FNDC1: variants seen among roughly 807,000 people sequenced by gnomAD.
FNDC1 encodes fibronectin type III domain containing 1, also known as fibronectin type III domain-containing protein 1.
A neutral mutation model predicts 168.0 loss-of-function variants in FNDC1; 96 were observed. That is an observed-to-expected ratio of 0.57 (90% CI 0.48 to 0.68). The LOEUF is 0.68. Ranked by LOEUF, FNDC1 falls within the 30% of genes least tolerant of loss-of-function variation. The probability of loss-of-function intolerance (pLI) is 0.00; values close to 1 mark genes in which losing one functional copy is unlikely to be tolerated. For synonymous variants in FNDC1, 1,099 were observed against 1,025.9 expected (o/e 1.07, Z -1.36); for missense variants, 2,587 against 2,482.1 (o/e 1.04, Z -0.90).
At chr6:159,178,758 T>G (rs967998361) in intron 1 of FNDC1, among the ~76,000 whole-genome samples, 4 of 151,884 alleles carry the variant, frequency 2.6e-5, no homozygotes, top group African/African-American at 4.8e-5. Context: ...TTTTTTTTTT[T>G]TGTAAATGGA....
chr6:159,236,397 T>G (rs1783261103), intron 12 of FNDC1, 82 bp downstream of exon 12: 1 of 894,036 alleles, frequency 1.1e-6, no homozygotes, highest in South Asian at 1.5e-5. Flanking sequence ...TAATGATAAA[T>G]GAAGTGGTCT....
At chr6:159,238,743 C>G in intron 13 of FNDC1, 78 bp downstream of exon 13, 1 of 969,784 alleles carries the variant, frequency 1.0e-6, no homozygotes, top group Non-Finnish European at 1.5e-6. Flanking sequence ...TCCTTCTCCC[C>G]CTCATTTATA....
intron 17 of FNDC1, among the ~76,000 whole-genome samples, chr6:159,252,622 C>T (rs376330999): frequency 3.9e-5 from 6 of 152,090 alleles, no homozygotes; most frequent in African/African-American, 7.2e-5. Flanking sequence ...AGGTGCTACA[C>T]GGACCGCCGT....
rs780011189 is a variant in FNDC1, at chr6:159,231,934, A to G, written c.1422A>G (p.Lys474=). The change falls in exon 11 of 23, where the codon AAA becomes AAG. Residue 474 remains lysine (K), a synonymous_variant. Coordinates refer to ENST00000297267, the MANE Select transcript of FNDC1 (RefSeq NM_032532.3). ...QNTEDNGKPE[K]PEPSSPSPRA... ...CGGAGGACAATGGGAAACCCGAAAA[A>G]CCTGAGCCTTCCTCACCTTCTCCCA... 2.5e-6 allele frequency: 4 copies of G among 1,613,442 alleles called. No individual in the cohort carries two copies. In the Admixed American group the frequency reaches 6.7e-5, roughly 27 times the overall value.
intron 10 of FNDC1, among the ~76,000 whole-genome samples, chr6:159,230,846 C>T (rs753557955): frequency 3.3e-5 from 5 of 152,208 alleles, no homozygotes; most frequent in Non-Finnish European, 7.3e-5. Context: ...CCGGCACTCT[C>T]ACTGCAATAT....
intron 19 of FNDC1, among the ~76,000 whole-genome samples, chr6:159,263,427 A>C (rs1037518626): frequency 1.3e-5 from 2 of 152,214 alleles, no homozygotes; most frequent in Non-Finnish European, 1.5e-5. Context: ...AAAATAAAAA[A>C]AGAATGGTCC....
In FNDC1 at chr6:159,249,404, A is replaced by T. The variant is rs6928649; in HGVS notation, c.4834+222A>T. ...GAGGGGAGGATTTGGTGTCCAACAG[A>T]GAGAGCTGAGAGAGACTGCCTTGCA... On this transcript the variant is annotated intron_variant, in intron 16 of 22. Transcript: ENST00000297267. Among the ~76,000 whole-genome samples, 462 of 152,330 alleles carry T rather than the reference A, an allele frequency of 3.0e-3. 2 individuals are homozygous for T. The highest frequency in any genetic ancestry group is 0.011 in the African/African-American group (452 of 41,592).
chr6:159,239,895 A>C lies in FNDC1; in HGVS notation c.4559A>C (p.His1520Pro). The change falls in exon 14 of 23, where the codon CAC becomes CCC. Residue 1520 changes from histidine to proline, a missense_variant. His to Pro is a moderately conservative substitution (Grantham distance 77). Transcript: ENST00000297267. ...TGTCCCCCTGGGACCTTGGAACGGC[A>C]CGACGATGATGGCAACCTGATAATG... ...PTCPPGTLER[H>P]DDDGNLIMSS... The C allele has an allele frequency of 6.5e-7, 1 of 1,533,126 alleles. No homozygotes were observed. Among genetic ancestry groups the C allele is most frequent in the Non-Finnish European group, 8.8e-7 (1 of 1,136,860 alleles). The allele number at this position is 1,533,126 out of a possible 1,614,324, so 95.0% of individuals were successfully genotyped here.
chr6:159,218,029 A>G (rs1782741500), intron 5 of FNDC1, among the ~76,000 whole-genome samples: 1 of 152,086 alleles, frequency 6.6e-6, no homozygotes, highest in Non-Finnish European at 1.5e-5. Context: ...CCGGCATATC[A>G]GCAGGGAAAT....
chr6:159,201,421 G>A (rs968490879), intron 4 of FNDC1, among the ~76,000 whole-genome samples: 1 of 152,192 alleles, frequency 6.6e-6, no homozygotes, highest in East Asian at 1.9e-4. Context: ...CAAAACATCA[G>A]AAAAGAAAAC....
chr6:159,189,947 G>A (rs562217538), intron 1 of FNDC1, among the ~76,000 whole-genome samples: 1 of 152,288 alleles, frequency 6.6e-6, no homozygotes, highest in South Asian at 2.1e-4. Context: ...ATTTGGCATT[G>A]GAATAGGTCA....
chr6:159,269,526 C>T (rs1351030289), intron 22 of FNDC1, among the ~76,000 whole-genome samples: 185 of 147,534 alleles, frequency 1.3e-3, no homozygotes, highest in African/African-American at 4.4e-3. Flanking sequence ...ATCCATCCAT[C>T]CATCCATCCA....
intron 17 of FNDC1, among the ~76,000 whole-genome samples, chr6:159,254,702 C>A (rs1464150968): frequency 1.6e-5 from 1 of 62,796 alleles, no homozygotes; most frequent in Admixed American, 2.2e-4. Flanking sequence ...AGCAAGACTT[C>A]GTCTCAAAAA....
intron 1 of FNDC1, among the ~76,000 whole-genome samples, chr6:159,188,406 G>T (rs1180754113): frequency 1.2e-4 from 16 of 129,062 alleles, no homozygotes; most frequent in Non-Finnish European, 2.4e-4. Context: ...ACAGAGTCTT[G>T]CTCTGTTGCC....
intron 12 of FNDC1, 112 bp from the exon 13 acceptor site, chr6:159,238,442 C>T: frequency 1.5e-6 from 1 of 669,496 alleles, no homozygotes; most frequent in Non-Finnish European, 2.5e-6. Flanking sequence ...GTCTTCTACT[C>T]ACATTACGGT....
At chr6:159,253,686 C>A (rs145938129) in intron 17 of FNDC1, among the ~76,000 whole-genome samples, 157 of 152,354 alleles carry the variant, frequency 1.0e-3, no homozygotes, top group Non-Finnish European at 1.3e-3. Context: ...TCAGGACCAG[C>A]TCATCAGTCA....
At chr6:159,247,682 C>T (rs543792393) in intron 15 of FNDC1, among the ~76,000 whole-genome samples, 28 of 151,994 alleles carry the variant, frequency 1.8e-4, no homozygotes, top group Non-Finnish European at 3.2e-4. Context: ...CCCAGGAGTT[C>T]GAGCTATGAT....
chr6:159,207,151 G>C (rs1413586341), intron 4 of FNDC1, among the ~76,000 whole-genome samples: 1 of 152,212 alleles, frequency 6.6e-6, no homozygotes, highest in Non-Finnish European at 1.5e-5. Context: ...GAAGGAGCTA[G>C]CTGGCCAGAA....
chr6:159,233,727 A>G lies in FNDC1; in HGVS notation c.3215A>G (p.Asp1072Gly), dbSNP rs781652014. ...CTCCCCACGGCCCTCCAGAACCAGG[A>G]CGAGGATGCCCAGGGCAGCTACGAC... is the stretch of plus-strand genomic sequence containing the variant. ...GMLPTALQNQ[D>G]EDAQGSYDDD... is the part of the protein sequence containing the mutation. Residue 1072 changes from aspartate to glycine, a missense_variant, in exon 11 of 23, where the codon GAC becomes GGC. Coordinates refer to ENST00000297267, the MANE Select transcript of FNDC1 (RefSeq NM_032532.3). The surrounding 1 kb of genome is among the most constrained non-coding windows in gnomAD (Gnocchi z 4.6). 1.4e-5 allele frequency: 21 copies of G among 1,549,896 alleles called. No individual in the cohort carries two copies. The highest frequency in any genetic ancestry group is 3.3e-4 in the Middle Eastern group (2 of 5,992).
Sources: gnomAD v4.1 joint callset for allele counts (sites outside exome capture counted in the v4.1 genomes callset) on GRCh38, gnomAD v4.1.1 for gene constraint, Gnocchi (gnomAD v3.1) non-coding constraint, MANE v1.5 for transcripts, NCBI Gene and HGNC (gene_info 2026-07-23, HGNC 2026-07-21) for gene names.